ALPK1: variants seen among roughly 807,000 people sequenced by gnomAD.
ALPK1 encodes the protein alpha-protein kinase 1.
A neutral mutation model predicts 120.6 loss-of-function variants in ALPK1; 110 were observed. That is an observed-to-expected ratio of 0.91 (90% CI 0.78 to 1.07). The LOEUF (loss-of-function observed/expected upper bound fraction) is 1.07, where lower values mean the gene tolerates loss of function less well. ALPK1 is among the 50% of genes least tolerant of loss of function. The probability of loss-of-function intolerance (pLI) is 0.00; values close to 1 mark genes in which losing one functional copy is unlikely to be tolerated. For missense variants in ALPK1, 1,498 were observed against 1,483.9 expected (o/e 1.01, Z -0.16); for synonymous variants, 582 against 560.3 (o/e 1.04, Z -0.55).
intron 4 of ALPK1, among the ~76,000 whole-genome samples, chr4:112,394,060 G>A (rs1732545910): frequency 6.6e-6 from 1 of 152,148 alleles, no homozygotes; most frequent in African/African-American, 2.4e-5. Flanking sequence ...TTGGGTAGGT[G>A]GGGAAACTGA....
chr4:112,358,309 C>G (rs1433886639), intron 2 of ALPK1: 1 of 604,260 alleles, frequency 1.7e-6, no homozygotes, highest in South Asian at 1.6e-5. Context: ...TCGGCCATGT[C>G]ATCCAAGACG....
At chr4:112,320,897 C>CT (rs397941407) in intron 2 of ALPK1, among the ~76,000 whole-genome samples, 36,815 of 123,514 alleles carry the variant, frequency 0.3, 6,705 homozygotes, top group African/African-American at 0.48. Context: ...CCATTTCTTT[C>CT]TTTTTTTTTT....
At chr4:112,316,519 T>C (rs1271802346) in intron 2 of ALPK1, among the ~76,000 whole-genome samples, 1 of 152,198 alleles carries the variant, frequency 6.6e-6, no homozygotes, top group African/African-American at 2.4e-5. Flanking sequence ...TTTGGGTGTA[T>C]GTAGAAGTAG....
intron 5 of ALPK1, among the ~76,000 whole-genome samples, chr4:112,413,757 T>A (rs189976255): frequency 8.5e-5 from 13 of 152,286 alleles, no homozygotes; most frequent in Non-Finnish European, 1.5e-4. Context: ...GAGGGTTTTT[T>A]AAATTATTTC....
intron 1 of ALPK1, among the ~76,000 whole-genome samples, chr4:112,305,216 T>C (rs551197315): frequency 2.4e-4 from 37 of 152,198 alleles, no homozygotes; most frequent in Non-Finnish European, 4.3e-4. Context: ...TGGCTTAGGA[T>C]TGTCTTGGTG....
chr4:112,396,093 T>C (rs1732638551), intron 4 of ALPK1, among the ~76,000 whole-genome samples: 1 of 152,220 alleles, frequency 6.6e-6, no homozygotes, highest in Non-Finnish European at 1.5e-5. Context: ...AAAATTCCCA[T>C]TTGTGTGTTG....
intron 4 of ALPK1, 188 bp from the exon 5 acceptor site, chr4:112,411,639 C>G (rs1733468301): frequency 1.6e-6 from 1 of 607,472 alleles, no homozygotes; most frequent in Non-Finnish European, 2.9e-6. Context: ...GAAGGAAATA[C>G]TATTTTATTG....
At chr4:112,358,382 C>A (rs1730746861) in intron 2 of ALPK1, 2 of 608,190 alleles carry the variant, frequency 3.3e-6, no homozygotes, top group Non-Finnish European at 5.9e-6. Context: ...GGCTGTAGCA[C>A]CCAGTTTGCG....
intron 2 of ALPK1, chr4:112,352,974 T>TC (rs1730431813): frequency 1.4e-5 from 2 of 146,480 alleles, no homozygotes; most frequent in South Asian, 2.2e-4. Context: ...TCCTTTCCTT[T>TC]TTTTTTTTTT....
intron 11 of ALPK1, among the ~76,000 whole-genome samples, chr4:112,433,519 C>T (rs1459995807): frequency 6.6e-6 from 1 of 152,192 alleles, no homozygotes; most frequent in East Asian, 1.9e-4. Context: ...CCTACTGTTG[C>T]AATCAGCAGC....
At chr4:112,428,094 C>A in intron 9 of ALPK1, 1 of 159,512 alleles carries the variant, frequency 6.3e-6, no homozygotes, top group Non-Finnish European at 1.4e-5. Flanking sequence ...ATAATGACTG[C>A]TAATTTTTAT....
At chr4:112,356,523 C>T (rs1045681941) in intron 2 of ALPK1, 2 of 861,928 alleles carry the variant, frequency 2.3e-6, no homozygotes, top group Non-Finnish European at 4.0e-6. Context: ...CACCTCCTAC[C>T]GGCCTGAGGT....
At position 112,431,731 on chromosome 4, in the gene ALPK1, G is replaced by C; in HGVS notation, c.2184G>C (p.Arg728Ser). 6.2e-7 allele frequency: 1 copy of C among 1,614,142 alleles called. No individual in the cohort carries two copies. The highest frequency in any genetic ancestry group is 1.3e-5 in the African/African-American group (1 of 75,024). The change falls in exon 11 of 16, where the codon AGG (arginine) becomes AGC (serine). Residue 728 changes from arginine (R) to serine (S), a missense_variant. Transcript: ENST00000650871. The part of the protein sequence containing the change: ...RSASWSSDSG[R>S]PKNMGTHPSV... ...CTTCTTGGTCTTCTGATTCTGGTAGGCCCAAGAATATGGGCACACATCCTT... is the reference window on the plus strand; with the variant it reads ...CTTCTTGGTCTTCTGATTCTGGTAGCCCCAAGAATATGGGCACACATCCTT...
At chr4:112,304,601 GT>G (rs1208993249) in intron 1 of ALPK1, among the ~76,000 whole-genome samples, 1 of 152,088 alleles carries the variant, frequency 6.6e-6, no homozygotes, top group African/African-American at 2.4e-5. Flanking sequence ...GGGGTTGTTT[GT>G]TTTTTTCTTG....
chr4:112,356,562 T>G, intron 2 of ALPK1: 1 of 811,026 alleles, frequency 1.2e-6, no homozygotes, highest in Non-Finnish European at 2.2e-6. Flanking sequence ...GGAGCAGCTG[T>G]GCATCCACCC....
At chr4:112,328,546 G>A (rs896000542) in intron 2 of ALPK1, among the ~76,000 whole-genome samples, 3 of 152,178 alleles carry the variant, frequency 2.0e-5, no homozygotes, top group Admixed American at 6.5e-5. Flanking sequence ...ATCCTTTAGG[G>A]ACCAATTACC....
intron 5 of ALPK1, among the ~76,000 whole-genome samples, chr4:112,420,093 T>A (rs939703499): frequency 2.0e-5 from 3 of 152,238 alleles, no homozygotes; most frequent in African/African-American, 4.8e-5. Flanking sequence ...ATATTTGCCC[T>A]GTTCCAAGCA....
At chr4:112,333,961 G>A (rs1729502011) in intron 2 of ALPK1, among the ~76,000 whole-genome samples, 1 of 151,538 alleles carries the variant, frequency 6.6e-6, no homozygotes, top group Admixed American at 6.6e-5. Flanking sequence ...AGCATAAATA[G>A]GCTTTATTTT....
chr4:112,325,625 G>A (rs147192304), intron 2 of ALPK1, among the ~76,000 whole-genome samples: 5 of 152,232 alleles, frequency 3.3e-5, no homozygotes, highest in East Asian at 1.9e-4. Flanking sequence ...GCAATCGTAC[G>A]GCGTTTTGTT....
Sources: gnomAD v4.1 joint callset for allele counts (sites outside exome capture counted in the v4.1 genomes callset) on GRCh38, gnomAD v4.1.1 for gene constraint, MANE v1.5 for transcripts, NCBI Gene and HGNC (gene_info 2026-07-23, HGNC 2026-07-21) for gene names.